The following MYO15A variants were observed in gnomAD, a reference collection of about 807,000 sequenced individuals.
MYO15A encodes myosin XVA, also known as unconventional myosin-XV.
A neutral mutation model predicts 394.6 loss-of-function variants in MYO15A; 308 were observed. The ratio of observed to expected loss-of-function variants is 0.78; its 90% CI spans 0.71 to 0.86. MYO15A has a LOEUF of 0.86. MYO15A is among the 40% of genes least tolerant of loss of function. The probability of loss-of-function intolerance (pLI) is 0.00; values close to 1 mark genes in which losing one functional copy is unlikely to be tolerated. For missense variants in MYO15A, 4,606 were observed against 4,799.1 expected (o/e 0.96, Z 1.19); for synonymous variants, 1,957 against 2,003.8 (o/e 0.98, Z 0.62).
chr17:18,141,157 G>T lies in MYO15A; in HGVS notation c.5531+14G>T, dbSNP rs377478503. On this transcript the variant is annotated intron_variant, in intron 22 of 65. Transcript: ENST00000647165. The stretch of plus-strand genomic sequence containing the variant: ...GTTCATCGACAGGTATCTTGGTTAC[G>T]GTAGTTCCTGAGCTCTACAAATCCC... The T allele has an allele frequency of 6.2e-7, 1 of 1,613,098 alleles. No individual in the cohort carries two copies. The highest frequency in any genetic ancestry group is 1.1e-5 in the South Asian group (1 of 91,072).
chr17:18,178,888 C>T lies in MYO15A; in HGVS notation c.*18C>T, dbSNP rs1269806449. 3.7e-6 allele frequency: 6 copies of T among 1,609,470 alleles called. No individual in the cohort carries two copies. Among genetic ancestry groups the T allele is most frequent in the East Asian group, 2.2e-5 (1 of 44,852 alleles). ...TGCTCTGACCCAGCCCCCAGCCCTC[C>T]AGTACCTTCTGCCAGAAGACTCACT... On this transcript the variant is annotated 3_prime_UTR_variant, in exon 66 of 66. Transcript: ENST00000647165.
Position 18,179,300 on chromosome 17 carries a change from A to C in MYO15A, c.*430A>C. On this transcript the variant is annotated 3_prime_UTR_variant, in exon 66 of 66. Coordinates refer to ENST00000647165, the MANE Select transcript of MYO15A (RefSeq NM_016239.4). ...TCCAACTCCACACCCTAGCCCTTAC[A>C]TGTCCTCCTAAGGGGCCCCTCCTTG... The C allele has an allele frequency of 4.2e-6, 1 of 236,032 alleles. No individual in the cohort carries two copies. The highest frequency in any genetic ancestry group is 8.6e-6 in the Non-Finnish European group (1 of 116,066). 14.6% of individuals were successfully genotyped at this position (236,032 alleles called of 1,614,324 possible).
Position 18,148,235 on chromosome 17 carries a change from T to C in MYO15A, c.6691+25T>C. The C allele has an allele frequency of 1.2e-6, 2 of 1,612,786 alleles. No homozygotes were observed. The highest frequency in any genetic ancestry group is 1.7e-6 in the Non-Finnish European group (2 of 1,179,864). ...GGTAAGCTGCCTTCCCCCACCTCAG[T>C]GAGGGCAGTGGGAGTCAGCAGGGCC... On this transcript the variant is annotated intron_variant, in intron 31 of 65. Transcript: ENST00000647165. The surrounding 1 kb of genome is among the most constrained non-coding windows in gnomAD (Gnocchi z 4.8).
chr17:18,121,725 C>T lies in MYO15A; in HGVS notation c.2925C>T (p.Thr975=), dbSNP rs2045939028. The change falls in exon 2 of 66, where the codon ACC becomes ACT. Residue 975 remains threonine (T), a synonymous_variant. Transcript: ENST00000647165. This position sits in a 1 kb window ranked among gnomAD's most constrained non-coding sequence, Gnocchi z 5.3. ...TCCTGGGCCCTGTGCCATCCCCCAC[C>T]CTCCAGCCTGAGGATCCAGCTGCTG... The part of the protein sequence containing the change: ...LQLLGPVPSP[T]LQPEDPAADM... 1 of 1,600,884 alleles carries T rather than the reference C, an allele frequency of 6.2e-7. No homozygotes were observed. Among genetic ancestry groups the T allele is most frequent in the Non-Finnish European group, 8.5e-7 (1 of 1,172,380 alleles).
intron 64 of MYO15A, chr17:18,172,575 G>C (rs569034533): frequency 1.0e-5 from 5 of 488,008 alleles, no homozygotes; most frequent in South Asian, 8.1e-5. Context: ...CATAATAAAA[G>C]ACCACAGACT....
chr17:18,178,732 G>C (rs766485618), intron 65 of MYO15A, 37 bp from the exon 66 acceptor site: 5 of 1,591,744 alleles, frequency 3.1e-6, no homozygotes, highest in South Asian at 1.1e-5. Flanking sequence ...AGCTGGGGAA[G>C]TGTTGGATGG....
Position 18,166,428 on chromosome 17 carries a change from G to A in MYO15A, c.9855G>A (p.Val3285=), listed in dbSNP as rs2046855612. The A allele has an allele frequency of 6.2e-7, 1 of 1,613,964 alleles. No individual in the cohort carries two copies. Among genetic ancestry groups the A allele is most frequent in the Non-Finnish European group, 8.5e-7 (1 of 1,180,042 alleles). Residue 3285 remains valine (V), a synonymous_variant, in exon 61 of 66, where the codon GTG becomes GTA. Coordinates refer to ENST00000647165, the MANE Select transcript of MYO15A (RefSeq NM_016239.4). ...ATGTGGCCTCAGAGATGGAGCAGGT[G>A]GACGGCGGCTACATGCTCTGGTTCC... ...ILDVASEMEQ[V]DGGYMLWFRR... is the part of the protein sequence containing the mutation.
In MYO15A at chr17:18,141,786, C is replaced by G; in HGVS notation, c.5649+16C>G. On this transcript the variant is annotated intron_variant, in intron 23 of 65. Transcript: ENST00000647165. ...GGTCAGCAAGGTGAGTCCTGCCCGA[C>G]AGTCAGCCCTTGGAGACCCCAAGTT... 6.2e-7 allele frequency: 1 copy of G among 1,612,966 alleles called. No individual in the cohort carries two copies. Among genetic ancestry groups the G allele is most frequent in the Non-Finnish European group, 8.5e-7 (1 of 1,179,086 alleles).
chr17:18,141,806 C>A, intron 23 of MYO15A, 36 bp downstream of exon 23: 1 of 1,602,856 alleles, frequency 6.2e-7, no homozygotes, highest in Non-Finnish European at 8.5e-7. Context: ...TTGGAGACCC[C>A]AAGTTTGGGG....
chr17:18,112,367 C>T (rs1202811523), intron 1 of MYO15A, among the ~76,000 whole-genome samples: 1 of 152,080 alleles, frequency 6.6e-6, no homozygotes, highest in Non-Finnish European at 1.5e-5. Context: ...GTCTCCAATC[C>T]CTTTTTTTTT....
chr17:18,173,999 G>T (rs1428633811), intron 65 of MYO15A, 78 bp downstream of exon 65: 26 of 1,543,882 alleles, frequency 1.7e-5, no homozygotes, highest in Non-Finnish European at 2.2e-5. Context: ...TCAGGTCCCT[G>T]CCATGCCCCA....
rs762562438 is a variant in MYO15A at position 18,140,555 on chromosome 17, T to C, written c.5250T>C (p.Ala1750=). The C allele has an allele frequency of 1.2e-6, 2 of 1,613,682 alleles. No individual in the cohort carries two copies. Among genetic ancestry groups the C allele is most frequent in the South Asian group, 2.2e-5 (2 of 91,088 alleles). The change falls in exon 20 of 66, where the codon GCT becomes GCC. Residue 1750 remains alanine, a synonymous_variant. Transcript: ENST00000647165. ...AHLFSSHAPQ[A]APQRLGKSSS... ...TCTTCTCCAGCCATGCCCCACAGGC[T>C]GCCCCTCAGCGCCTGGGCAAGAGCA...
chr17:18,141,102 G>A lies in MYO15A; in HGVS notation c.5490G>A (p.Glu1830=). ...TGGAGACCGTGAGGATCCGCAAGGAGGGATTTCCAGTGCGCCTGCCTTTCC... is the reference window on the plus strand; with the variant it reads ...TGGAGACCGTGAGGATCCGCAAGGAAGGATTTCCAGTGCGCCTGCCTTTCC... The part of the protein sequence containing the change: ...GVLETVRIRK[E]GFPVRLPFQG... The change falls in exon 22 of 66, where the codon GAG becomes GAA. Residue 1830 remains glutamate (E), a synonymous_variant. Transcript: ENST00000647165. 1 of 1,613,992 alleles carries A rather than the reference G, an allele frequency of 6.2e-7. No individual in the cohort carries two copies. Among genetic ancestry groups the A allele is most frequent in the Non-Finnish European group, 8.5e-7 (1 of 1,180,020 alleles).
intron 29 of MYO15A, among the ~76,000 whole-genome samples, chr17:18,145,442 G>A (rs948153082): frequency 1.2e-4 from 19 of 152,272 alleles, no homozygotes; most frequent in South Asian, 1.2e-3. Flanking sequence ...GGCCAAGCAC[G>A]GTGGCGCACA....
chr17:18,136,342 C>G, intron 13 of MYO15A, 75 bp from the exon 14 acceptor site: 3 of 1,568,194 alleles, frequency 1.9e-6, no homozygotes, highest in Non-Finnish European at 2.6e-6. Flanking sequence ...TGATCCCACT[C>G]CCTTAGTCCC....
In MYO15A at chr17:18,150,423, C is replaced by T. The variant is rs780931345; in HGVS notation, c.7213-6C>T. On this transcript the variant is annotated splice_region_variant and splice_polypyrimidine_tract_variant and intron_variant, in intron 35 of 65. Transcript: ENST00000647165. This position sits in a 1 kb window ranked among gnomAD's most constrained non-coding sequence, Gnocchi z 4.4. ...GATGGTCACTTGAGCCACCCACTGC[C>T]CCCAGGACCTGGAGAAGCCAACAGC... is the stretch of plus-strand genomic sequence containing the variant. 3.1e-6 allele frequency: 5 copies of T among 1,613,646 alleles called. No individual in the cohort carries two copies. The highest frequency in any genetic ancestry group is 1.7e-5 in the Admixed American group (1 of 60,014).
chr17:18,135,737 G>A lies in MYO15A; in HGVS notation c.4509G>A (p.Val1503=). Residue 1503 remains valine, a synonymous_variant, in exon 13 of 66, where the codon GTG becomes GTA. Transcript: ENST00000647165. ...CGGATGCACAGGAGGTGGCCTCAGT[G>A]GTGAGTGCCCGAGAGATCCAGGCCG... The part of the protein sequence containing the change: ...YETDAQEVAS[V]VSAREIQAVA... The A allele has an allele frequency of 3.7e-6, 6 of 1,614,196 alleles. No homozygotes were observed. The highest frequency in any genetic ancestry group is 5.1e-6 in the Non-Finnish European group (6 of 1,180,026).
intron 4 of MYO15A, 55 bp downstream of exon 4, chr17:18,125,286 C>T: frequency 6.4e-7 from 1 of 1,556,342 alleles, no homozygotes; most frequent in Non-Finnish European, 8.9e-7. Flanking sequence ...CAGCTGCCTC[C>T]TGGGGCCGGG....
At position 18,150,961 on chromosome 17, in the gene MYO15A, T is replaced by A; in HGVS notation, c.7473+48T>A. Reference sequence around the variant, plus strand: ...GCAGGGGTTGCTTGGAGACACAAGCTGTAAAGAGGAATGCTGTGCTGCTCC... The same window carrying A: ...GCAGGGGTTGCTTGGAGACACAAGCAGTAAAGAGGAATGCTGTGCTGCTCC... On this transcript the variant is annotated intron_variant, in intron 38 of 65. Transcript: ENST00000647165. This position sits in a 1 kb window ranked among gnomAD's most constrained non-coding sequence, Gnocchi z 4.4. 1 of 1,609,254 alleles carries A rather than the reference T, an allele frequency of 6.2e-7. No individual in the cohort carries two copies. The highest frequency in any genetic ancestry group is 8.5e-7 in the Non-Finnish European group (1 of 1,178,496).
Sources: allele counts gnomAD v4.1 joint callset (sites outside exome capture counted in the v4.1 genomes callset), GRCh38; gene constraint gnomAD v4.1.1; non-coding constraint Gnocchi (gnomAD v3.1); transcripts MANE v1.5; gene names NCBI Gene and HGNC (gene_info 2026-07-23, HGNC 2026-07-21).